LSM12: variants seen among roughly 807,000 people sequenced by gnomAD.
LSM12 encodes the protein LSM12 homolog, also known as protein LSM12.
For synonymous variants in LSM12, 74 were observed against 87.3 expected, an observed-to-expected ratio of 0.85 and a Z score of 0.85; for missense variants, 108 against 238.9, an observed-to-expected ratio of 0.45 and a Z score of 3.61.
intron 3 of LSM12, among the ~76,000 whole-genome samples, chr17:44,038,692 T>G (rs778579800): frequency 8.5e-5 from 13 of 152,128 alleles, no homozygotes; most frequent in Non-Finnish European, 1.9e-4. Context: ...CATCTTCCTA[T>G]GATCTGTACT....
At chr17:44,065,301 C>T (rs1478207092) in intron 1 of LSM12, among the ~76,000 whole-genome samples, 2 of 151,504 alleles carry the variant, frequency 1.3e-5, no homozygotes, top group South Asian at 2.1e-4. Flanking sequence ...ATTAGCTGGG[C>T]GTGGTGGCGC....
rs1170347458 is a variant in LSM12 at position 44,055,690 on chromosome 17, A to T, written c.258+8111T>A. ...ACCCTGTCTCAAATATATATATATA[A>T]AATATATATATATAATATATAAAAT... On this transcript the variant is annotated intron_variant, in intron 2 of 4. Transcript: ENST00000293406. Among the ~76,000 whole-genome samples, 5 of 144,802 alleles carry T rather than the reference A, an allele frequency of 3.5e-5. No homozygotes were observed. The East Asian group carries it at 5.9e-4, about 17-fold the overall frequency. The allele number at this position is 144,802 out of a possible 152,430, so 95.0% of individuals were successfully genotyped here. A position where few individuals can be genotyped will look rare whatever the true frequency, so the allele number is the denominator to read the frequency against.
chr17:44,040,101 A>C (rs770149337), intron 3 of LSM12, 46 bp downstream of exon 3: 2 of 1,428,952 alleles, frequency 1.4e-6, no homozygotes, highest in East Asian at 4.6e-5. Flanking sequence ...CAGCACAACC[A>C]GGTAGCATTA....
At chr17:44,047,879 G>C (rs955891986) in intron 2 of LSM12, among the ~76,000 whole-genome samples, 5 of 151,670 alleles carry the variant, frequency 3.3e-5, no homozygotes, top group Non-Finnish European at 7.4e-5. Flanking sequence ...CACCAAGCCC[G>C]GGCTGCCTTA....
intron 2 of LSM12, among the ~76,000 whole-genome samples, chr17:44,046,611 G>C (rs1461828555): frequency 6.7e-6 from 1 of 149,658 alleles, no homozygotes; most frequent in Non-Finnish European, 1.5e-5. Flanking sequence ...GGAGGCTGAG[G>C]CAGGAGAAAG....
At chr17:44,053,134 T>C (rs1382926170) in intron 2 of LSM12, among the ~76,000 whole-genome samples, 98 of 152,274 alleles carry the variant, frequency 6.4e-4, no homozygotes, top group Non-Finnish European at 1.5e-5. Flanking sequence ...CCTCCTCCAC[T>C]GTCACATCTG....
chr17:44,049,023 T>C (rs1366936199), intron 2 of LSM12, among the ~76,000 whole-genome samples: 1 of 152,090 alleles, frequency 6.6e-6, no homozygotes, highest in African/African-American at 2.4e-5. Context: ...ACCCTGTCTC[T>C]ACTGAAAATA....
rs1352072047 is a variant in LSM12, at chr17:44,057,755, T to C, written c.258+6046A>G. On this transcript the variant is annotated intron_variant, in intron 2 of 4. Transcript: ENST00000293406. ...GCCTGGGAGACAGACGGAGACTCTG[T>C]CTCAAAAAAAAAACAAAGTAATAAT... 3.3e-5 allele frequency among the ~76,000 whole-genome samples: 5 copies of C among 149,672 alleles called. No individual in the cohort carries two copies. In the East Asian group the frequency reaches 8.0e-4, roughly 24 times the overall value.
At chr17:44,047,296 G>C (rs545471195) in intron 2 of LSM12, among the ~76,000 whole-genome samples, 7 of 152,126 alleles carry the variant, frequency 4.6e-5, no homozygotes, top group African/African-American at 1.7e-4. Context: ...ACCCAGACTG[G>C]AGTGCAGTGG....
intron 2 of LSM12, among the ~76,000 whole-genome samples, chr17:44,056,166 G>A (rs766253208): frequency 6.6e-5 from 10 of 151,868 alleles, no homozygotes; most frequent in Middle Eastern, 3.2e-3. Context: ...CCAGCTACTT[G>A]GGAGGCTGAG....
chr17:44,052,090 A>C (rs1038746480), intron 2 of LSM12, among the ~76,000 whole-genome samples: 1 of 152,078 alleles, frequency 6.6e-6, no homozygotes, highest in African/African-American at 2.4e-5. Flanking sequence ...CCTGGGTGAC[A>C]GCAAGACTCC....
chr17:44,050,516 A>ATTTTTT (rs113543595), intron 2 of LSM12, among the ~76,000 whole-genome samples: 2 of 140,074 alleles, frequency 1.4e-5, no homozygotes, highest in Non-Finnish European at 1.6e-5. Context: ...GTGCCTGAAC[A>ATTTTTT]TTTTTTTTTT....
chr17:44,054,820 G>A (rs1430373112), intron 2 of LSM12, among the ~76,000 whole-genome samples: 1 of 151,506 alleles, frequency 6.6e-6, no homozygotes. Flanking sequence ...CTGCGGCCTT[G>A]GCGACGTTTT....
chr17:44,047,685 C>T (rs1026060728), intron 2 of LSM12, among the ~76,000 whole-genome samples: 1 of 152,020 alleles, frequency 6.6e-6, no homozygotes, highest in Non-Finnish European at 1.5e-5. Context: ...ACCTCAGCCT[C>T]CCAAGCATCT....
In LSM12 at chr17:44,066,661, G is replaced by T. The variant is rs1056068757; in HGVS notation, c.-74C>A. The T allele has an allele frequency of 8.7e-6, 11 of 1,265,778 alleles. No homozygotes were observed. The South Asian group carries it at 3.1e-4, about 36-fold the overall frequency. 78.4% of individuals were successfully genotyped at this position (1,265,778 alleles called of 1,614,324 possible). A position where few individuals can be genotyped will look rare whatever the true frequency, so the allele number is the denominator to read the frequency against. Reference sequence around the variant, plus strand: ...AAGCCGGGCCCCCAGTGAGCGCCGCGACGCGACGGCGCGCACGGAGCGTGC... The same window carrying T: ...AAGCCGGGCCCCCAGTGAGCGCCGCTACGCGACGGCGCGCACGGAGCGTGC... On this transcript the variant is annotated 5_prime_UTR_variant, in exon 1 of 5. Coordinates refer to ENST00000293406, the MANE Select transcript of LSM12 (RefSeq NM_001371445.1).
At chr17:44,065,423 G>A (rs551698005) in intron 1 of LSM12, among the ~76,000 whole-genome samples, 7 of 137,022 alleles carry the variant, frequency 5.1e-5, no homozygotes, top group African/African-American at 1.4e-4. Flanking sequence ...CCTAGCGACA[G>A]AGCGAGACTC....
At chr17:44,056,775 C>G (rs1386319186) in intron 2 of LSM12, among the ~76,000 whole-genome samples, 1 of 151,832 alleles carries the variant, frequency 6.6e-6, no homozygotes, top group Non-Finnish European at 1.5e-5. Context: ...AGGCAAATCA[C>G]CTGAGGTCGG....
rs2049413926 is a variant in LSM12 at position 44,036,220 on chromosome 17, G to A, written c.576C>T (p.Ala192=). 6.2e-7 allele frequency: 1 copy of A among 1,612,258 alleles called. No individual in the cohort carries two copies. The highest frequency in any genetic ancestry group is 1.3e-5 in the African/African-American group (1 of 74,394). The change falls in exon 5 of 5, where the codon GCC becomes GCT. Residue 192 remains alanine, a synonymous_variant. Transcript: ENST00000293406. The stretch of plus-strand genomic sequence containing the variant: ...CATGTGTACGGACTCAGGATGACAG[G>A]GCAGCCTCCTTCTGTGGTTGCTGGG... ...SQAQQPQKEA[A]LSS
chr17:44,062,003 C>A lies in LSM12; in HGVS notation c.258+1798G>T, dbSNP rs370100304. On this transcript the variant is annotated intron_variant, in intron 2 of 4. Coordinates refer to ENST00000293406, the MANE Select transcript of LSM12 (RefSeq NM_001371445.1). Reference sequence around the variant, plus strand: ...TTGGGAGGCCGAGGCGGGCGGATCACAAAGTCAGGAGATCGAGACCGTCCT... The same window carrying A: ...TTGGGAGGCCGAGGCGGGCGGATCAAAAAGTCAGGAGATCGAGACCGTCCT... 2.2e-4 allele frequency among the ~76,000 whole-genome samples: 33 copies of A among 152,220 alleles called. No homozygotes were observed. In the East Asian group the frequency reaches 3.3e-3, roughly 15 times the overall value.
Sources: gnomAD v4.1 joint callset for allele counts (sites outside exome capture counted in the v4.1 genomes callset) on GRCh38, gnomAD v4.1.1 for gene constraint, MANE v1.5 for transcripts, NCBI Gene and HGNC (gene_info 2026-07-23, HGNC 2026-07-21) for gene names.